Variants in RGS7BP observed in about 807,000 individuals in gnomAD.
The protein encoded by RGS7BP is regulator of G protein signaling 7 binding protein.
Under a neutral mutation model 31.3 loss-of-function variants are expected in RGS7BP, and 9 were observed. The observed-to-expected ratio is 0.29, with a 90% CI of 0.17 to 0.50. RGS7BP has a LOEUF of 0.50. RGS7BP is among the 20% of genes least tolerant of loss of function. The pLI, the probability that RGS7BP is intolerant of heterozygous loss-of-function variation, is 0.98. For missense variants in RGS7BP, 274 were observed against 322.0 expected, an observed-to-expected ratio of 0.85 and a Z score of 1.14; for synonymous variants, 115 against 120.1, an observed-to-expected ratio of 0.96 and a Z score of 0.28.
At position 64,506,588 on chromosome 5, in the gene RGS7BP, A is replaced by G; in HGVS notation, c.-37A>G. On this transcript the variant is annotated 5_prime_UTR_variant, in exon 1 of 6. Coordinates refer to ENST00000334025, the MANE Select transcript of RGS7BP (RefSeq NM_001029875.3). This position sits in a 1 kb window ranked among gnomAD's most constrained non-coding sequence, Gnocchi z 4.6. Reference sequence around the variant, plus strand: ...AACCGGGCCGCCCGCGCCGGGGCGCACTGCACCAGCGGCTTCGGCTTGGTG... The same window carrying G: ...AACCGGGCCGCCCGCGCCGGGGCGCGCTGCACCAGCGGCTTCGGCTTGGTG... 1 of 1,553,546 alleles carries G rather than the reference A, an allele frequency of 6.4e-7. No homozygotes were observed. The highest frequency in any genetic ancestry group is 8.8e-7 in the Non-Finnish European group (1 of 1,140,154).
chr5:64,600,125 G>A (rs1237997909), intron 5 of RGS7BP, among the ~76,000 whole-genome samples: 1 of 152,116 alleles, frequency 6.6e-6, no homozygotes, highest in African/African-American at 2.4e-5. Flanking sequence ...CAAAGCATTG[G>A]CCCCAGGACT....
intron 2 of RGS7BP, among the ~76,000 whole-genome samples, chr5:64,563,204 C>G (rs1025577723): frequency 6.6e-6 from 1 of 152,034 alleles, no homozygotes; most frequent in Non-Finnish European, 1.5e-5. Context: ...AGATAAAGAT[C>G]TCTCATTTAT....
intron 3 of RGS7BP, among the ~76,000 whole-genome samples, chr5:64,587,176 A>G (rs1409269469): frequency 6.6e-6 from 1 of 152,186 alleles, no homozygotes; most frequent in African/African-American, 2.4e-5. Flanking sequence ...ATCAGAGTCC[A>G]TTGGCCATAG....
At chr5:64,521,467 G>T (rs2111900155) in intron 2 of RGS7BP, among the ~76,000 whole-genome samples, 1 of 152,226 alleles carries the variant, frequency 6.6e-6, no homozygotes, top group East Asian at 1.9e-4. Flanking sequence ...ATGTTGGCCA[G>T]GCTGGTCTCA....
chr5:64,590,161 G>A (rs1309715124), intron 3 of RGS7BP, among the ~76,000 whole-genome samples: 1 of 151,926 alleles, frequency 6.6e-6, no homozygotes, highest in Non-Finnish European at 1.5e-5. Flanking sequence ...TGTCATACCA[G>A]TTATTAGAAA....
intron 2 of RGS7BP, among the ~76,000 whole-genome samples, chr5:64,540,400 C>T (rs1450967311): frequency 3.3e-5 from 5 of 152,006 alleles, no homozygotes; most frequent in Non-Finnish European, 7.4e-5. Flanking sequence ...ACCAAACAAG[C>T]AGCAGTGAAC....
chr5:64,538,173 T>G (rs1429709059), intron 2 of RGS7BP, among the ~76,000 whole-genome samples: 1 of 152,196 alleles, frequency 6.6e-6, no homozygotes, highest in Non-Finnish European at 1.5e-5. Flanking sequence ...AAACAATCTT[T>G]AACTTTTTTC....
intron 2 of RGS7BP, among the ~76,000 whole-genome samples, chr5:64,545,503 C>G (rs1366759196): frequency 6.6e-6 from 1 of 151,672 alleles, no homozygotes; most frequent in African/African-American, 2.4e-5. Flanking sequence ...ATTAAATTTG[C>G]ATCTTAGAAA....
chr5:64,582,844 G>C (rs948637204), intron 3 of RGS7BP, among the ~76,000 whole-genome samples: 4 of 152,020 alleles, frequency 2.6e-5, no homozygotes, highest in African/African-American at 9.7e-5. Flanking sequence ...GAAATATAAA[G>C]GAGGTGATCC....
intron 2 of RGS7BP, among the ~76,000 whole-genome samples, chr5:64,519,755 T>A (rs1749063143): frequency 6.6e-6 from 1 of 152,178 alleles, no homozygotes; most frequent in Non-Finnish European, 1.5e-5. Flanking sequence ...ATGAATAGGA[T>A]TCATCTGAAA....
At chr5:64,580,511 G>A (rs575475304) in intron 3 of RGS7BP, among the ~76,000 whole-genome samples, 4 of 152,094 alleles carry the variant, frequency 2.6e-5, no homozygotes, top group Admixed American at 2.6e-4. Flanking sequence ...GGTGGAGGTA[G>A]CAGGAGAAAG....
intron 3 of RGS7BP, 141 bp from the exon 4 acceptor site, chr5:64,594,569 T>G: frequency 1.4e-6 from 1 of 734,686 alleles, no homozygotes; most frequent in Non-Finnish European, 2.3e-6. Context: ...ACCTAATTAT[T>G]TTATTACTCA....
At chr5:64,532,257 T>C (rs904251463) in intron 2 of RGS7BP, among the ~76,000 whole-genome samples, 1 of 152,140 alleles carries the variant, frequency 6.6e-6, no homozygotes, top group African/African-American at 2.4e-5. Context: ...TTAAATCTTT[T>C]TCTGAATAGT....
At chr5:64,550,717 C>CTA (rs1352912215) in intron 2 of RGS7BP, among the ~76,000 whole-genome samples, 1 of 149,816 alleles carries the variant, frequency 6.7e-6, no homozygotes, top group African/African-American at 2.5e-5. Context: ...TCTCCTAATG[C>CTA]TATCCCTCCC....
rs1743482915 is a variant in RGS7BP, at chr5:64,610,772, C to G, written c.*1520C>G. 1 of 151,724 alleles carries G rather than the reference C, an allele frequency of 6.6e-6. No homozygotes were observed. The highest frequency in any genetic ancestry group is 1.5e-5 in the Non-Finnish European group (1 of 67,868). The allele number at this position is 151,724 out of a possible 1,614,324, so 9.4% of individuals were successfully genotyped here. ...ATTTCCTATATGTGACTGTTTTGAC[C>G]TACAAAATGGCAATTTCTTATAGTT... On this transcript the variant is annotated 3_prime_UTR_variant, in exon 6 of 6. Coordinates refer to ENST00000334025, the MANE Select transcript of RGS7BP (RefSeq NM_001029875.3).
Position 64,507,797 on chromosome 5 carries a change from C to G in RGS7BP, c.252C>G (p.Leu84=). The G allele has an allele frequency of 6.2e-7, 1 of 1,613,992 alleles. No homozygotes were observed. The highest frequency in any genetic ancestry group is 1.7e-5 in the Admixed American group (1 of 60,016). Reference sequence around the variant, plus strand: ...ATGTCTCGGTCAGCTGCCCCTCACTCCGGGCGGAAATGCACAAGACAAGAA... The same window carrying G: ...ATGTCTCGGTCAGCTGCCCCTCACTGCGGGCGGAAATGCACAAGACAAGAA... ...IGDVSVSCPS[L]RAEMHKTRTK... Residue 84 remains leucine (L), a synonymous_variant, in exon 2 of 6, where the codon CTC becomes CTG. Coordinates refer to ENST00000334025, the MANE Select transcript of RGS7BP (RefSeq NM_001029875.3).
rs960381084 is a variant in RGS7BP, at chr5:64,595,005, G to A, written c.611+148G>A. On this transcript the variant is annotated intron_variant, in intron 4 of 5. Coordinates refer to ENST00000334025, the MANE Select transcript of RGS7BP (RefSeq NM_001029875.3). Reference sequence around the variant, plus strand: ...GGAGCATAGTGCTGTCAGGGACCCTGGAGACTGCCTAATCTGCAGACAAGA... The same window carrying A: ...GGAGCATAGTGCTGTCAGGGACCCTAGAGACTGCCTAATCTGCAGACAAGA... 2.5e-5 allele frequency: 20 copies of A among 795,670 alleles called. No individual in the cohort carries two copies. The Admixed American group carries it at 4.2e-4, about 17-fold the overall frequency. The allele number at this position is 795,670 out of a possible 1,614,324, so 49.3% of individuals were successfully genotyped here.
intron 3 of RGS7BP, among the ~76,000 whole-genome samples, chr5:64,591,806 T>C (rs558598248): frequency 2.0e-5 from 3 of 152,330 alleles, no homozygotes; most frequent in South Asian, 2.1e-4. Context: ...TATAACAACA[T>C]ATATAGTATA....
At chr5:64,542,137 C>T (rs1741543292) in intron 2 of RGS7BP, among the ~76,000 whole-genome samples, 2 of 152,152 alleles carry the variant, frequency 1.3e-5, no homozygotes, top group African/African-American at 4.8e-5. Context: ...TTCGTGTTAA[C>T]GAAAGAGTTG....
Sources: allele counts gnomAD v4.1 joint callset (sites outside exome capture counted in the v4.1 genomes callset), GRCh38; gene constraint gnomAD v4.1.1; non-coding constraint Gnocchi (gnomAD v3.1); transcripts MANE v1.5; gene names NCBI Gene and HGNC (gene_info 2026-07-23, HGNC 2026-07-21).